The following FAT2 variants were observed in gnomAD, a reference collection of about 807,000 sequenced individuals.
FAT2 encodes protocadherin Fat 2.
In FAT2, 150 loss-of-function variants were observed where a neutral mutation model predicts 295.3. The observed-to-expected ratio is 0.51, with a 90% CI of 0.44 to 0.58. FAT2 has a LOEUF of 0.58. Ranked by LOEUF, FAT2 falls within the 20% of genes least tolerant of loss-of-function variation. The pLI, the probability that FAT2 is intolerant of heterozygous loss-of-function variation, is 0.00. For missense variants in FAT2, 4,868 were observed against 5,442.7 expected, an observed-to-expected ratio of 0.89 and a Z score of 3.32; for synonymous variants, 2,026 against 2,150.3, an observed-to-expected ratio of 0.94 and a Z score of 1.60.
rs891772300 is a variant in FAT2 at position 151,583,736 on chromosome 5, G to A, written c.-21+7429C>T. Among the ~76,000 whole-genome samples, 15 of 152,134 alleles carry A rather than the reference G, an allele frequency of 9.9e-5. 2 individuals are homozygous for A. Among genetic ancestry groups the A allele is most frequent in the African/African-American group, 2.9e-4 (12 of 41,502 alleles). On this transcript the variant is annotated intron_variant, in intron 1 of 23. Coordinates refer to ENST00000261800, the MANE Select transcript of FAT2 (RefSeq NM_001447.3). ...TTAGGGGCCAGGCATGGTTGCTTGCGCCAGTAATCCCAACACTTTGGGAAG... is the reference window on the plus strand; with the variant it reads ...TTAGGGGCCAGGCATGGTTGCTTGCACCAGTAATCCCAACACTTTGGGAAG...
intron 1 of FAT2, among the ~76,000 whole-genome samples, chr5:151,579,631 G>C (rs1238954666): frequency 6.6e-6 from 1 of 151,828 alleles, no homozygotes; most frequent in Non-Finnish European, 1.5e-5. Context: ...GTGTTAAATG[G>C]CTTGATTTAG....
In FAT2 at chr5:151,543,942, T is replaced by G. The variant is rs1756392624; in HGVS notation, c.7185A>C (p.Gly2395=). ...EANVSELATC[G]HLVLKVQAID... ...TAGCCTGGACTTTAAGAACCAGGTG[T>G]CCACAGGTTGCCAGTTCACTGACAT... Residue 2395 remains glycine (G), a synonymous_variant, in exon 10 of 24, where the codon GGA becomes GGC. Transcript: ENST00000261800. 6.2e-7 allele frequency: 1 copy of G among 1,614,012 alleles called. No individual in the cohort carries two copies. Among genetic ancestry groups the G allele is most frequent in the Admixed American group, 1.7e-5 (1 of 59,996 alleles).
Position 151,554,558 on chromosome 5 carries a change from C to A in FAT2, c.3749G>T (p.Arg1250Leu), listed in dbSNP as rs145224294. ...CACAGGGCTCAGCCTCTCTGGAAGGCGGACATTGAAGAGCTTGTGGGAGAA... is the reference window on the plus strand; with the variant it reads ...CACAGGGCTCAGCCTCTCTGGAAGGAGGACATTGAAGAGCTTGTGGGAGAA... ...PIFSHKLFNV[R>L]LPERLSPVSP... Residue 1250 changes from arginine (R) to leucine (L), a missense_variant, in exon 5 of 24, where the codon CGC becomes CTC. By Grantham distance (102) the Arg-to-Leu change is moderately radical. This residue lies in a region of FAT2 where 3,297 missense variants were observed against 3,669.4 expected (regional missense o/e 0.90). Transcript: ENST00000261800. 3.7e-6 allele frequency: 6 copies of A among 1,614,040 alleles called. No homozygotes were observed. The Admixed American group carries it at 5.0e-5, about 13-fold the overall frequency.
At chr5:151,539,054 G>A (rs377620935) in intron 11 of FAT2, among the ~76,000 whole-genome samples, 25 of 152,106 alleles carry the variant, frequency 1.6e-4, no homozygotes, top group African/African-American at 5.8e-4. Flanking sequence ...GGAGGGCCAG[G>A]GTGAGCCTGA....
At chr5:151,578,714 G>A (rs1218192821) in intron 1 of FAT2, among the ~76,000 whole-genome samples, 6 of 152,160 alleles carry the variant, frequency 3.9e-5, no homozygotes, top group South Asian at 2.1e-4. Context: ...TGGAATTACC[G>A]TAAATGTCCA....
chr5:151,559,122 G>A (rs550947361), intron 3 of FAT2, among the ~76,000 whole-genome samples: 46 of 152,364 alleles, frequency 3.0e-4, no homozygotes, highest in Non-Finnish European at 5.1e-4. Flanking sequence ...GGAGCTCAGC[G>A]AGGGGAACAG....
rs1761363364 is a variant in FAT2, at chr5:151,512,050, AAG to A, written c.11905+113_11905+114del. Reference sequence around the variant, plus strand: ...CAACCTGTTACTCACAAGTTAGGGGAAGAGAGAGAAATTTGGAACCAGGAGGC... The same window carrying A: ...CAACCTGTTACTCACAAGTTAGGGGAAGAGAGAAATTTGGAACCAGGAGGC... On this transcript the variant is annotated intron_variant, in intron 21 of 23. Transcript: ENST00000261800. The surrounding 1 kb of genome is among the most constrained non-coding windows in gnomAD (Gnocchi z 4.1). 15 of 916,130 alleles carry A rather than the reference AAG, an allele frequency of 1.6e-5. No individual in the cohort carries two copies. In the South Asian group the frequency reaches 2.4e-4, roughly 15 times the overall value. 56.8% of individuals were successfully genotyped at this position (916,130 alleles called of 1,614,324 possible).
intron 1 of FAT2, among the ~76,000 whole-genome samples, chr5:151,575,275 T>C (rs73273970): frequency 0.048 from 7,302 of 152,322 alleles, 423 homozygotes; most frequent in African/African-American, 0.13. Flanking sequence ...CTGTCTTACA[T>C]CTGTATGATA....
rs765780292 is a variant in FAT2 at position 151,537,940 on chromosome 5, A to G, written c.9046T>C (p.Tyr3016His). ...DNSPQCSQLL[Y>H]TGKVHEDVFP... ...ACATCTTCATGAACCTTGCCAGTAT[A>G]GAGAAGCTAGAGATGGAAAGACAAA... Residue 3016 changes from tyrosine (Y) to histidine (H), a missense_variant, in exon 12 of 24, where the codon TAT (tyrosine) becomes CAT (histidine). By Grantham distance (83) the Tyr-to-His change is moderately conservative. Coordinates refer to ENST00000261800, the MANE Select transcript of FAT2 (RefSeq NM_001447.3). 6.8e-6 allele frequency: 11 copies of G among 1,613,690 alleles called. No individual in the cohort carries two copies. Among genetic ancestry groups the G allele is most frequent in the East Asian group, 4.5e-5 (2 of 44,900 alleles).
chr5:151,557,844 T>C (rs575874829), intron 3 of FAT2, among the ~76,000 whole-genome samples: 1 of 152,300 alleles, frequency 6.6e-6, no homozygotes, highest in African/African-American at 2.4e-5. Flanking sequence ...TCAGGGTCTT[T>C]GGGATTGGGA....
intron 21 of FAT2, chr5:151,510,888 C>T (rs1242456134): frequency 6.6e-6 from 1 of 152,340 alleles, no homozygotes; most frequent in African/African-American, 2.4e-5. Flanking sequence ...ACTCAAACCA[C>T]ACCAGGGTGG....
chr5:151,580,454 G>A (rs560605181), intron 1 of FAT2, among the ~76,000 whole-genome samples: 1 of 152,316 alleles, frequency 6.6e-6, no homozygotes, highest in African/African-American at 2.4e-5. Flanking sequence ...GCAGAAGGTC[G>A]CTAATGGGTG....
chr5:151,506,958 A>G (rs7722485), intron 23 of FAT2, among the ~76,000 whole-genome samples, 196 bp downstream of exon 23: 95,854 of 152,164 alleles, frequency 0.63, 33,007 homozygotes, highest in South Asian at 0.85. Context: ...AAAGGAGTGC[A>G]ATAGAATGAG....
chr5:151,522,237 A>G (rs1753546301), intron 18 of FAT2, 151 bp from the exon 19 acceptor site: 1 of 606,468 alleles, frequency 1.6e-6, no homozygotes, highest in Non-Finnish European at 2.8e-6. Flanking sequence ...GAAAAAAAAA[A>G]CCTAACTCCA....
At chr5:151,574,986 A>T (rs1469803671) in intron 1 of FAT2, among the ~76,000 whole-genome samples, 1 of 152,244 alleles carries the variant, frequency 6.6e-6, no homozygotes, top group South Asian at 2.1e-4. Flanking sequence ...CCAGGACTGC[A>T]GGGAAAACAG....
chr5:151,540,531 C>T, intron 11 of FAT2, 36 bp downstream of exon 11: 1 of 1,579,428 alleles, frequency 6.3e-7, no homozygotes, highest in Non-Finnish European at 8.6e-7. Context: ...TCTTCCTTGC[C>T]TTCACTACCC....
chr5:151,565,655 C>CA lies in FAT2; in HGVS notation c.3259+17_3259+18insT. Reference sequence around the variant, plus strand: ...CTACCTCTGGCCCTGGCACCCCACCCTACCCCACCCCCAGTACCTGTATCT... The same window carrying CA: ...CTACCTCTGGCCCTGGCACCCCACCCATACCCCACCCCCAGTACCTGTATCT... On this transcript the variant is annotated intron_variant, in intron 2 of 23. Coordinates refer to ENST00000261800, the MANE Select transcript of FAT2 (RefSeq NM_001447.3). The CA allele has an allele frequency of 7.9e-5, 117 of 1,483,686 alleles. No individual in the cohort carries two copies. The highest frequency in any genetic ancestry group is 9.6e-5 in the Non-Finnish European group (105 of 1,090,390). The allele number at this position is 1,483,686 out of a possible 1,614,324, so 91.9% of individuals were successfully genotyped here.
Position 151,507,512 on chromosome 5 carries a change from T to C in FAT2, c.12159A>G (p.Thr4053=), listed in dbSNP as rs147299560. The C allele has an allele frequency of 1.9e-6, 3 of 1,614,128 alleles. No homozygotes were observed. The highest frequency in any genetic ancestry group is 2.5e-6 in the Non-Finnish European group (3 of 1,180,014). Residue 4053 remains threonine (T), a synonymous_variant, in exon 23 of 24, where the codon ACA becomes ACG. Coordinates refer to ENST00000261800, the MANE Select transcript of FAT2 (RefSeq NM_001447.3). ...DWGQQELLII[T]VAVAFIIIST... ...TTATGATAATGAACGCCACGGCCAC[T>C]GTGATGATCAGTAACTCCTGCTGCC... is the stretch of plus-strand genomic sequence containing the variant.
intron 6 of FAT2, 28 bp from the exon 7 acceptor site, chr5:151,551,634 C>G (rs776881160): frequency 6.2e-6 from 10 of 1,613,080 alleles, no homozygotes; most frequent in Non-Finnish European, 8.5e-6. Flanking sequence ...AGAAAGCACA[C>G]ACAACCTCAG....
Sources: gnomAD v4.1 joint callset for allele counts (sites outside exome capture counted in the v4.1 genomes callset) on GRCh38, gnomAD v4.1.1 for gene constraint, gnomAD v4.1.1 regional missense constraint, Gnocchi (gnomAD v3.1) non-coding constraint, MANE v1.5 for transcripts, NCBI Gene and HGNC (gene_info 2026-07-23, HGNC 2026-07-21) for gene names.